Variants in TRPC4 observed in about 807,000 individuals in gnomAD.
TRPC4 encodes transient receptor potential cation channel subfamily C member 4.
A neutral mutation model predicts 99.4 loss-of-function variants in TRPC4; 49 were observed. The ratio of observed to expected loss-of-function variants is 0.49; its 90% CI spans 0.39 to 0.63. The LOEUF (loss-of-function observed/expected upper bound fraction) is 0.63. TRPC4 is among the 20% of genes least tolerant of loss of function. The probability of loss-of-function intolerance (pLI) is 0.00; values close to 1 mark genes in which losing one functional copy is unlikely to be tolerated. For synonymous variants in TRPC4, 454 were observed against 425.9 expected (o/e 1.07, Z -0.81); for missense variants, 898 against 1,152.9 (o/e 0.78, Z 3.20).
chr13:37,817,190 CA>C (rs1957880570), intron 1 of TRPC4, among the ~76,000 whole-genome samples: 1 of 152,164 alleles, frequency 6.6e-6, no homozygotes, highest in South Asian at 2.1e-4. Flanking sequence ...GATACAAAAT[CA>C]ATGGGCAAAA....
intron 2 of TRPC4, among the ~76,000 whole-genome samples, chr13:37,767,985 T>C (rs2139275938): frequency 6.6e-6 from 1 of 151,612 alleles, no homozygotes; most frequent in Middle Eastern, 3.4e-3. Context: ...AAAATAGTTT[T>C]ATTTCAAAAG....
chr13:37,688,135 A>G (rs1953554715), intron 4 of TRPC4, among the ~76,000 whole-genome samples: 2 of 152,208 alleles, frequency 1.3e-5, no homozygotes, highest in Admixed American at 1.3e-4. Context: ...CAGAAAGGAA[A>G]AGTCGATAAC....
At chr13:37,716,814 T>A (rs2139013028) in intron 3 of TRPC4, among the ~76,000 whole-genome samples, 1 of 152,280 alleles carries the variant, frequency 6.6e-6, no homozygotes, top group South Asian at 2.1e-4. Flanking sequence ...AAAAAAACAT[T>A]TTTATTTTTA....
chr13:37,812,171 T>G (rs1332104943), intron 1 of TRPC4, among the ~76,000 whole-genome samples: 1 of 14,600 alleles, frequency 6.8e-5, no homozygotes, highest in Non-Finnish European at 1.2e-4. Flanking sequence ...AGACTGAGAC[T>G]CTATCAAAAA....
rs78387578 is a variant in TRPC4 at position 37,672,249 on chromosome 13, A to G, written c.1374+1979T>C. 6.5e-3 allele frequency among the ~76,000 whole-genome samples: 983 copies of G among 152,356 alleles called. 6 individuals carry two copies. Among genetic ancestry groups the G allele is most frequent in the African/African-American group, 0.023 (944 of 41,578 alleles). ...AAAAATACATGTACTATACATAAACATCACACAAATGTAATAAATACAAAC... is the reference window on the plus strand; with the variant it reads ...AAAAATACATGTACTATACATAAACGTCACACAAATGTAATAAATACAAAC... On this transcript the variant is annotated intron_variant, in intron 5 of 10. Coordinates refer to ENST00000379705, the MANE Select transcript of TRPC4 (RefSeq NM_016179.4).
chr13:37,725,685 T>C (rs1955029040), intron 3 of TRPC4, among the ~76,000 whole-genome samples: 1 of 152,176 alleles, frequency 6.6e-6, no homozygotes, highest in Admixed American at 6.5e-5. Context: ...ATTAAGTATA[T>C]ATAGCTTTGT....
chr13:37,785,735 A>G (rs191206975), intron 1 of TRPC4, among the ~76,000 whole-genome samples: 10 of 152,228 alleles, frequency 6.6e-5, no homozygotes, highest in Admixed American at 6.5e-4. Context: ...TAATACTATC[A>G]AATAAAGAAT....
At chr13:37,798,859 T>G (rs1223375940) in intron 1 of TRPC4, among the ~76,000 whole-genome samples, 3 of 152,132 alleles carry the variant, frequency 2.0e-5, no homozygotes, top group Non-Finnish European at 4.4e-5. Context: ...AAACATTATT[T>G]TTAATAGCTA....
At chr13:37,829,102 A>G (rs1164860114) in intron 1 of TRPC4, among the ~76,000 whole-genome samples, 1 of 152,198 alleles carries the variant, frequency 6.6e-6, no homozygotes, top group Non-Finnish European at 1.5e-5. Flanking sequence ...AACCAAAGAA[A>G]AAATAGATAA....
chr13:37,778,810 G>A (rs886635041), intron 2 of TRPC4, among the ~76,000 whole-genome samples: 1 of 152,026 alleles, frequency 6.6e-6, no homozygotes, highest in African/African-American at 2.4e-5. Context: ...TTAAGGGAAT[G>A]AGTCAAAATT....
At chr13:37,777,233 T>C (rs1157721485) in intron 2 of TRPC4, among the ~76,000 whole-genome samples, 1 of 151,914 alleles carries the variant, frequency 6.6e-6, no homozygotes, top group Non-Finnish European at 1.5e-5. Context: ...GGGTAATTTA[T>C]AAGGAAGAGA....
At position 37,692,230 on chromosome 13, in the gene TRPC4, T is replaced by C; in HGVS notation, c.1003A>G (p.Ile335Val). The change falls in exon 4 of 11, where the codon ATA becomes GTA. Residue 335 changes from isoleucine (I) to valine (V), a missense_variant. By Grantham distance (29) the Ile-to-Val change is conservative. This residue lies in a region of TRPC4 where 274 missense variants were observed against 454.9 expected (regional missense o/e 0.60). Transcript: ENST00000379705. ...HWAVKMVTCF[I>V]IGLLFPVFSV... ...AAGACAGGAAAAAGAAGTCCTATTA[T>C]GAAACATGTCACCATCTTCACTGCC... 6.2e-7 allele frequency: 1 copy of C among 1,614,146 alleles called. No individual in the cohort carries two copies. Among genetic ancestry groups the C allele is most frequent in the Non-Finnish European group, 8.5e-7 (1 of 1,180,016 alleles).
chr13:37,683,400 G>A (rs1268050061), intron 4 of TRPC4, among the ~76,000 whole-genome samples: 3 of 152,132 alleles, frequency 2.0e-5, no homozygotes, highest in African/African-American at 7.2e-5. Flanking sequence ...CATATTAGAA[G>A]AAAAGGCTGG....
At chr13:37,835,722 G>T (rs1299003582) in intron 1 of TRPC4, among the ~76,000 whole-genome samples, 1 of 152,136 alleles carries the variant, frequency 6.6e-6, no homozygotes, top group Non-Finnish European at 1.5e-5. Flanking sequence ...CTATTCTCAA[G>T]CTTATTTTTA....
intron 3 of TRPC4, among the ~76,000 whole-genome samples, chr13:37,741,268 T>C (rs1195117026): frequency 6.6e-6 from 1 of 152,168 alleles, no homozygotes; most frequent in Non-Finnish European, 1.5e-5. Context: ...TTACAAATAT[T>C]AGGCAAGAGG....
chr13:37,715,164 C>G (rs1400736268), intron 3 of TRPC4, among the ~76,000 whole-genome samples: 5 of 152,114 alleles, frequency 3.3e-5, no homozygotes, highest in Non-Finnish European at 1.5e-5. Context: ...CCAGACTTGT[C>G]CACCTTTCTT....
intron 1 of TRPC4, among the ~76,000 whole-genome samples, chr13:37,859,979 C>T (rs1466272821): frequency 1.3e-5 from 2 of 150,994 alleles, no homozygotes; most frequent in Admixed American, 6.6e-5. Flanking sequence ...ATACCATCCT[C>T]CGATGTATTT....
intron 1 of TRPC4, among the ~76,000 whole-genome samples, chr13:37,817,976 AC>A (rs1454357716): frequency 1.3e-5 from 2 of 151,872 alleles, no homozygotes; most frequent in Non-Finnish European, 2.9e-5. Flanking sequence ...ACAGGAACGT[AC>A]AAAGATTTTA....
intron 1 of TRPC4, among the ~76,000 whole-genome samples, chr13:37,851,565 G>T (rs1265296040): frequency 1.3e-5 from 2 of 152,116 alleles, no homozygotes; most frequent in African/African-American, 2.4e-5. Context: ...TCAATAAATT[G>T]GTTTAAGAGG....
Sources: gnomAD v4.1 joint callset for allele counts (sites outside exome capture counted in the v4.1 genomes callset) on GRCh38, gnomAD v4.1.1 for gene constraint, gnomAD v4.1.1 regional missense constraint, MANE v1.5 for transcripts, NCBI Gene and HGNC (gene_info 2026-07-23, HGNC 2026-07-21) for gene names.